RTN4R: variants seen among roughly 807,000 people sequenced by gnomAD.
RTN4R encodes reticulon 4 receptor.
Under a neutral mutation model 27.7 loss-of-function variants are expected in RTN4R, and 4 were observed. The observed-to-expected ratio is 0.14, with a 90% confidence interval of 0.07 to 0.33. RTN4R has a LOEUF of 0.33. Among genes scored for constraint, RTN4R ranks in the 10% least tolerant of loss-of-function variants. The probability of loss-of-function intolerance (pLI) is 1.00; values close to 1 mark genes in which losing one functional copy is unlikely to be tolerated. For synonymous variants in RTN4R, 290 were observed against 305.6 expected, an observed-to-expected ratio of 0.95 and a Z score of 0.53; for missense variants, 554 against 671.5, an observed-to-expected ratio of 0.83 and a Z score of 1.93.
chr22:20,243,762 TCTCCTCCCTGGGAGGAGTTCA>T (rs760841415), intron 1 of RTN4R: 244 of 319,810 alleles, frequency 7.6e-4, no homozygotes, highest in Non-Finnish European at 1.1e-3. Context: ...CTCTGCTCCA[TCTCCTCCCTGGGAGGAGTTCA>T]CTCCTCCCCA....
Position 20,262,328 on chromosome 22 carries a change from G to T in RTN4R, c.22+5743C>A, listed in dbSNP as rs377311880. On this transcript the variant is annotated intron_variant, in intron 1 of 1. Coordinates refer to ENST00000043402, the MANE Select transcript of RTN4R (RefSeq NM_023004.6). Reference sequence around the variant, plus strand: ...GAACCCCTGCTCCAGTGCACAGGCCGGGCACACGGCAGGGAGGAGGCAGTC... The same window carrying T: ...GAACCCCTGCTCCAGTGCACAGGCCTGGCACACGGCAGGGAGGAGGCAGTC... 1.3e-3 allele frequency among the ~76,000 whole-genome samples: 201 copies of T among 152,248 alleles called. 1 individual carries two copies. Among genetic ancestry groups the T allele is most frequent in the African/African-American group, 4.7e-3 (196 of 41,544 alleles).
rs2051116796 is a variant in RTN4R at position 20,242,811 on chromosome 22, C to G, written c.322G>C (p.Glu108Gln). The G allele has an allele frequency of 6.2e-7, 1 of 1,612,946 alleles. No homozygotes were observed. The highest frequency in any genetic ancestry group is 8.5e-7 in the Non-Finnish European group (1 of 1,179,926). Residue 108 changes from glutamate to glutamine, a missense_variant, in exon 2 of 2, where the codon GAG becomes CAG. Around this residue, in one of 2 missense-constraint regions of RTN4R, gnomAD observed 413 missense variants for 542.3 expected, o/e 0.76. Coordinates refer to ENST00000043402, the MANE Select transcript of RTN4R (RefSeq NM_023004.6). ...AAAFTGLALL[E>Q]QLDLSDNAQL... ...GCATTATCGCTGAGGTCCAGCTGCT[C>G]CAGGAGGGCCAGGCCAGTGAAGGCA...
At chr22:20,258,718 G>A (rs1277105608) in intron 1 of RTN4R, among the ~76,000 whole-genome samples, 3 of 152,202 alleles carry the variant, frequency 2.0e-5, no homozygotes, top group African/African-American at 7.2e-5. Flanking sequence ...AGACCCAGAA[G>A]CAGTGATGGA....
chr22:20,261,715 G>A (rs2051248403), intron 1 of RTN4R, among the ~76,000 whole-genome samples: 2 of 152,230 alleles, frequency 1.3e-5, no homozygotes, highest in Non-Finnish European at 2.9e-5. Context: ...CGGCGCCTGG[G>A]CCCTCCCTCC....
chr22:20,260,547 C>T lies in RTN4R; in HGVS notation c.22+7524G>A, dbSNP rs564705949. 2.6e-5 allele frequency among the ~76,000 whole-genome samples: 4 copies of T among 152,298 alleles called. No individual in the cohort carries two copies. The South Asian group carries it at 8.3e-4, about 32-fold the overall frequency. ...ACCTTGGGCCAGCTCCTCAGCCCTC[C>T]CTCGACAGCCGTGCTGGTAGCTGGC... On this transcript the variant is annotated intron_variant, in intron 1 of 1. Transcript: ENST00000043402.
At position 20,242,377 on chromosome 22, in the gene RTN4R, C is replaced by T; in HGVS notation, c.756G>A (p.Leu252=). The T allele has an allele frequency of 6.2e-7, 1 of 1,612,956 alleles. No individual in the cohort carries two copies. Among genetic ancestry groups the T allele is most frequent in the South Asian group, 1.1e-5 (1 of 91,086 alleles). Residue 252 remains leucine, a synonymous_variant, in exon 2 of 2, where the codon CTG becomes CTA. Transcript: ENST00000043402. ...GGTTGTCGTTGAGCCTCAGGTACTG[C>T]AGGGCACGCAGGGGGGCCAGGGCCT... is the stretch of plus-strand genomic sequence containing the variant. ...PTEALAPLRA[L]QYLRLNDNPW...
intron 1 of RTN4R, 35 bp downstream of exon 1, chr22:20,268,036 C>T: frequency 8.7e-7 from 1 of 1,152,928 alleles, no homozygotes; most frequent in Non-Finnish European, 1.1e-6. Flanking sequence ...CGCGCCCCGC[C>T]GCCGGCCGGG....
At chr22:20,244,861 C>T (rs529540648) in intron 1 of RTN4R, among the ~76,000 whole-genome samples, 1 of 152,250 alleles carries the variant, frequency 6.6e-6, no homozygotes, top group Non-Finnish European at 1.5e-5. Context: ...GTGGGGGTCA[C>T]CAACTGAGCC....
At chr22:20,243,644 C>T (rs371105918) in intron 1 of RTN4R, 283 of 415,206 alleles carry the variant, frequency 6.8e-4, no homozygotes, top group Middle Eastern at 2.6e-3. Flanking sequence ...GGAGGAGTCG[C>T]GTCCCACAAC....
rs150077664 is a variant in RTN4R at position 20,241,924 on chromosome 22, G to A, written c.1209C>T (p.Ser403=). 2.1e-5 allele frequency: 34 copies of A among 1,605,562 alleles called. No homozygotes were observed. The highest frequency in any genetic ancestry group is 1.6e-4 in the African/African-American group (12 of 74,838). Residue 403 remains serine, a synonymous_variant, in exon 2 of 2, where the codon TCC becomes TCT. Transcript: ENST00000043402. The part of the protein sequence containing the change: ...PPLTAVRPEG[S]EPPGFPTSGP... ...CCGAGGTGGGGAACCCTGGTGGCTC[G>A]GAGCCCTCGGGCCGCACTGCAGTGA... is the stretch of plus-strand genomic sequence containing the variant.
At chr22:20,260,125 T>C (rs1452791809) in intron 1 of RTN4R, among the ~76,000 whole-genome samples, 2 of 151,832 alleles carry the variant, frequency 1.3e-5, no homozygotes, top group African/African-American at 4.8e-5. Context: ...CCCCAGCGGG[T>C]GGGGCAGGGG....
chr22:20,243,057 G>C lies in RTN4R; in HGVS notation c.76C>G (p.Pro26Ala). 2 of 1,601,614 alleles carry C rather than the reference G, an allele frequency of 1.2e-6. No individual in the cohort carries two copies. Among genetic ancestry groups the C allele is most frequent in the Non-Finnish European group, 1.7e-6 (2 of 1,179,882 alleles). The change falls in exon 2 of 2, where the codon CCA becomes GCA. Residue 26 changes from proline (P) to alanine (A), a missense_variant. Physicochemically the swap from Pro to Ala is conservative, Grantham distance 27. Transcript: ENST00000043402. ...TAGCATACGCAGGCACCTGGGCATG[G>C]GGCTGCCACCTGCCAGGCCTGCAGC... The part of the protein sequence containing the change: ...LWLQAWQVAA[P>A]CPGACVCYNE...
intron 1 of RTN4R, among the ~76,000 whole-genome samples, chr22:20,258,554 C>T (rs555613021): frequency 5.3e-5 from 8 of 152,314 alleles, no homozygotes; most frequent in African/African-American, 1.9e-4. Context: ...CCTGGGGTAG[C>T]CCCTTGCAAG....
chr22:20,265,256 C>T (rs557587868), intron 1 of RTN4R, among the ~76,000 whole-genome samples: 25 of 152,308 alleles, frequency 1.6e-4, no homozygotes, highest in Admixed American at 1.5e-3. Flanking sequence ...GAGCACGGTC[C>T]CACACACCCT....
intron 1 of RTN4R, among the ~76,000 whole-genome samples, chr22:20,265,615 T>C (rs1041635146): frequency 6.6e-6 from 1 of 152,172 alleles, no homozygotes; most frequent in African/African-American, 2.4e-5. Flanking sequence ...GAAGGTACTA[T>C]GGGAGGGTCT....
chr22:20,256,834 T>C (rs1351128285), intron 1 of RTN4R, among the ~76,000 whole-genome samples: 4 of 152,182 alleles, frequency 2.6e-5, no homozygotes, highest in Admixed American at 6.5e-5. Flanking sequence ...GGGTTTCTCA[T>C]CTGAGAAATG....
intron 1 of RTN4R, among the ~76,000 whole-genome samples, chr22:20,265,947 C>T (rs1478599617): frequency 3.9e-5 from 6 of 152,222 alleles, no homozygotes; most frequent in Non-Finnish European, 8.8e-5. Context: ...CGACCTGTCA[C>T]ACCCAAGGTC....
rs567221613 is a variant in RTN4R at position 20,241,618 on chromosome 22, C to T, written c.*93G>A. 83 of 1,436,402 alleles carry T rather than the reference C, an allele frequency of 5.8e-5. 1 individual carries two copies. The highest frequency in any genetic ancestry group is 5.3e-4 in the East Asian group (21 of 39,980). The allele number at this position is 1,436,402 out of a possible 1,614,324, so 89.0% of individuals were successfully genotyped here. A position where few individuals can be genotyped will look rare whatever the true frequency, so the allele number is the denominator to read the frequency against. ...GGAGGACCTGGCCTGGCCTGCCCCA[C>T]GGGTCGGCCGCCCGGCTGGCTTGGC... is the stretch of plus-strand genomic sequence containing the variant. On this transcript the variant is annotated 3_prime_UTR_variant, in exon 2 of 2. Transcript: ENST00000043402.
chr22:20,262,643 C>T (rs1359008101), intron 1 of RTN4R, among the ~76,000 whole-genome samples: 1 of 152,218 alleles, frequency 6.6e-6, no homozygotes, highest in Non-Finnish European at 1.5e-5. Context: ...TCCAGAGCCC[C>T]ACACCCCACA....
Sources: gnomAD v4.1 joint callset for allele counts (sites outside exome capture counted in the v4.1 genomes callset) on GRCh38, gnomAD v4.1.1 for gene constraint, gnomAD v4.1.1 regional missense constraint, MANE v1.5 for transcripts, NCBI Gene and HGNC (gene_info 2026-07-23, HGNC 2026-07-21) for gene names.